Variants in DBNL observed in about 807,000 individuals in gnomAD.
DBNL encodes the protein drebrin-like protein.
A neutral mutation model predicts 62.2 loss-of-function variants in DBNL; 35 were observed. The ratio of observed to expected loss-of-function variants is 0.56; its 90% confidence interval spans 0.43 to 0.75. The LOEUF (loss-of-function observed/expected upper bound fraction) is 0.75, where lower values mean the gene tolerates loss of function less well. DBNL is among the 30% of genes least tolerant of loss of function. The pLI, the probability that DBNL is intolerant of heterozygous loss-of-function variation, is 0.00. For missense variants in DBNL, 495 were observed against 578.4 expected (o/e 0.86, Z 1.48); for synonymous variants, 197 against 218.0 (o/e 0.90, Z 0.85).
chr7:44,044,868 T>C, intron 1 of DBNL, 48 bp downstream of exon 1: 1 of 1,301,224 alleles, frequency 7.7e-7, no homozygotes, highest in Non-Finnish European at 9.8e-7. Flanking sequence ...GCCTCAGGGG[T>C]GGGTCTGTCT....
chr7:44,065,961 CCT>C lies in DBNL; in HGVS notation c.*5046_*5047del. ...CAGAGGCACAAACAAAATCCCAACCCCTTTCTCCTGTGATTGGCAGCCAGGCT... is the reference window on the plus strand; with the variant it reads ...CAGAGGCACAAACAAAATCCCAACCCTTCTCCTGTGATTGGCAGCCAGGCT... On this transcript the variant is annotated 3_prime_UTR_variant, in exon 13 of 13. Transcript: ENST00000448521. The C allele has an allele frequency of 6.7e-6, 2 of 299,016 alleles. No individual in the cohort carries two copies. Among genetic ancestry groups the C allele is most frequent in the South Asian group, 6.6e-5 (2 of 30,240 alleles). The allele number at this position is 299,016 out of a possible 1,614,324, so 18.5% of individuals were successfully genotyped here.
Position 44,065,713 on chromosome 7 carries a change from A to G in DBNL, c.*4797A>G. 1 of 644,786 alleles carries G rather than the reference A, an allele frequency of 1.6e-6. No homozygotes were observed. Among genetic ancestry groups the G allele is most frequent in the South Asian group, 1.8e-5 (1 of 56,908 alleles). The allele number at this position is 644,786 out of a possible 1,614,324, so 39.9% of individuals were successfully genotyped here. On this transcript the variant is annotated 3_prime_UTR_variant, in exon 13 of 13. Transcript: ENST00000448521. ...TGGGGGCCAGGGGAGTGTGCAGGCC[A>G]AGAGGCTGTGCTTAAAATAGCCCCA... is the stretch of plus-strand genomic sequence containing the variant.
chr7:44,058,381 G>A (rs777882064), intron 7 of DBNL, 51 bp from the exon 8 acceptor site: 1 of 1,613,736 alleles, frequency 6.2e-7, no homozygotes, highest in South Asian at 1.1e-5. Flanking sequence ...GGTGTGGCAT[G>A]AGAAGCTGTG....
chr7:44,053,901 C>A (rs936231722), intron 4 of DBNL, among the ~76,000 whole-genome samples: 2 of 152,144 alleles, frequency 1.3e-5, no homozygotes, highest in African/African-American at 4.8e-5. Context: ...TGGTCTCGAT[C>A]TCCTGACCTC....
chr7:44,064,374 TG>T lies in DBNL; in HGVS notation c.*3463del. ...TCATGCAGGGATTCTGAGGACCTGA[TG>T]GGGGAGGGCCCTGCGAGGGGTCCAA... On this transcript the variant is annotated 3_prime_UTR_variant, in exon 13 of 13. Transcript: ENST00000448521. 4.5e-6 allele frequency: 1 copy of T among 221,822 alleles called. No individual in the cohort carries two copies. The highest frequency in any genetic ancestry group is 9.1e-6 in the Non-Finnish European group (1 of 109,608). 13.7% of individuals were successfully genotyped at this position (221,822 alleles called of 1,614,324 possible).
rs1378925934 is a variant in DBNL at position 44,065,130 on chromosome 7, TGTA to T, written c.*4219_*4221del. 6.2e-7 allele frequency: 1 copy of T among 1,613,932 alleles called. No homozygotes were observed. Among genetic ancestry groups the T allele is most frequent in the Non-Finnish European group, 8.5e-7 (1 of 1,180,002 alleles). On this transcript the variant is annotated 3_prime_UTR_variant, in exon 13 of 13. Coordinates refer to ENST00000448521, the MANE Select transcript of DBNL (RefSeq NM_001014436.3). ...AGGCAGCCCACCTTGCTAATGGAGT[TGTA>T]GTAGGGGTGCTTCTCGTCCATCGGG...
chr7:44,044,877 C>T (rs2096113965), intron 1 of DBNL, 57 bp downstream of exon 1: 5 of 1,345,034 alleles, frequency 3.7e-6, no homozygotes, highest in Non-Finnish European at 4.8e-6. Flanking sequence ...GTGGGTCTGT[C>T]TGGGGCGAGC....
In DBNL at chr7:44,064,814, T is replaced by G; in HGVS notation, c.*3898T>G. 15 of 759,448 alleles carry G rather than the reference T, an allele frequency of 2.0e-5. No individual in the cohort carries two copies. The highest frequency in any genetic ancestry group is 3.0e-5 in the Non-Finnish European group (14 of 473,106). The allele number at this position is 759,448 out of a possible 1,614,324, so 47.0% of individuals were successfully genotyped here. On this transcript the variant is annotated 3_prime_UTR_variant, in exon 13 of 13. Transcript: ENST00000448521. ...TGCTGCCCACCCACCCTGCCCAGGC[T>G]CCTGAAGGTGGCCTCACCTTCCAGG...
Position 44,065,548 on chromosome 7 carries a change from A to G in DBNL, c.*4632A>G. The G allele has an allele frequency of 1.9e-6, 3 of 1,612,822 alleles. No individual in the cohort carries two copies. The highest frequency in any genetic ancestry group is 2.2e-5 in the East Asian group (1 of 44,886). ...TGGCCATGGTGGCAGCAGGGACCAC[A>G]GAGGACTCTGGACGGGGACGGCTGC... On this transcript the variant is annotated 3_prime_UTR_variant, in exon 13 of 13. Transcript: ENST00000448521.
chr7:44,059,386 C>T lies in DBNL; in HGVS notation c.868C>T (p.Leu290Phe). ...KLRSPFLQKQ[L>F]TQPETHFGRE... ...GAGGAGCCCCTTCCTGCAGAAGCAG[C>T]TCACCCAACCAGAGACCCACTTTGG... Residue 290 changes from leucine to phenylalanine, a missense_variant, in exon 10 of 13, where the codon CTC becomes TTC. By Grantham distance (22) the Leu-to-Phe change is conservative (BLOSUM62 0). Coordinates refer to ENST00000448521, the MANE Select transcript of DBNL (RefSeq NM_001014436.3). The surrounding 1 kb of genome is among the most constrained non-coding windows in gnomAD (Gnocchi z 4.1). 1.2e-6 allele frequency: 2 copies of T among 1,614,098 alleles called. No individual in the cohort carries two copies. Among genetic ancestry groups the T allele is most frequent in the Admixed American group, 1.7e-5 (1 of 60,012 alleles).
chr7:44,059,147 G>C lies in DBNL; in HGVS notation c.835+164G>C, dbSNP rs1297311189. ...CATTGACCTCATCAGTGACCACACTGGTCACCAGTTTGGCCTCCAAAAGAT... is the reference window on the plus strand; with the variant it reads ...CATTGACCTCATCAGTGACCACACTCGTCACCAGTTTGGCCTCCAAAAGAT... On this transcript the variant is annotated intron_variant, in intron 9 of 12. Transcript: ENST00000448521. The surrounding 1 kb of genome is among the most constrained non-coding windows in gnomAD (Gnocchi z 4.1). 6.6e-6 allele frequency among the ~76,000 whole-genome samples: 1 copy of C among 152,138 alleles called. No individual in the cohort carries two copies. The highest frequency in any genetic ancestry group is 1.5e-5 in the Non-Finnish European group (1 of 68,024).
chr7:44,049,510 C>A (rs943191416), intron 1 of DBNL, among the ~76,000 whole-genome samples: 1 of 152,200 alleles, frequency 6.6e-6, no homozygotes, highest in Non-Finnish European at 1.5e-5. Flanking sequence ...AGCCATGGCC[C>A]CATGTCACCC....
chr7:44,044,716 C>A lies in DBNL; in HGVS notation c.-22C>A. On this transcript the variant is annotated 5_prime_UTR_variant, in exon 1 of 13. Transcript: ENST00000448521. Reference sequence around the variant, plus strand: ...CCCGGCCCGGAAGCTACAGCAGCGGCGCGGAGACTGCGGGGCGGGCCATGG... The same window carrying A: ...CCCGGCCCGGAAGCTACAGCAGCGGAGCGGAGACTGCGGGGCGGGCCATGG... 3 of 1,481,590 alleles carry A rather than the reference C, an allele frequency of 2.0e-6. No homozygotes were observed. The Admixed American group carries it at 6.9e-5, about 34-fold the overall frequency. 91.8% of individuals were successfully genotyped at this position (1,481,590 alleles called of 1,614,324 possible).
intron 1 of DBNL, among the ~76,000 whole-genome samples, chr7:44,048,769 A>G (rs557036497): frequency 1.2e-3 from 185 of 152,304 alleles, no homozygotes; most frequent in South Asian, 2.1e-3. Flanking sequence ...CCTCCAGCCC[A>G]TGTCCAGCAG....
chr7:44,068,436 G>A lies in DBNL; in HGVS notation c.*7520G>A, dbSNP rs2096163739. 6.6e-6 allele frequency: 1 copy of A among 152,244 alleles called. No individual in the cohort carries two copies. The highest frequency in any genetic ancestry group is 1.5e-5 in the Non-Finnish European group (1 of 68,058). 9.4% of individuals were successfully genotyped at this position (152,244 alleles called of 1,614,324 possible). ...CACATTGCAGGTCCCAGACTGACCG[G>A]TGTAGATACAGGACTAATATGACTA... On this transcript the variant is annotated 3_prime_UTR_variant, in exon 13 of 13. Transcript: ENST00000448521.
chr7:44,065,664 A>G lies in DBNL; in HGVS notation c.*4748A>G. 2.3e-6 allele frequency: 2 copies of G among 853,032 alleles called. No individual in the cohort carries two copies. The highest frequency in any genetic ancestry group is 3.3e-5 in the African/African-American group (2 of 60,752). 52.8% of individuals were successfully genotyped at this position (853,032 alleles called of 1,614,324 possible). Reference sequence around the variant, plus strand: ...TCAGCATTCCAGGCGGTGGCAGGTGACCAGTAGCTGAGCTGCTGGGGGCTG... The same window carrying G: ...TCAGCATTCCAGGCGGTGGCAGGTGGCCAGTAGCTGAGCTGCTGGGGGCTG... On this transcript the variant is annotated 3_prime_UTR_variant, in exon 13 of 13. Coordinates refer to ENST00000448521, the MANE Select transcript of DBNL (RefSeq NM_001014436.3).
chr7:44,050,144 A>G, intron 1 of DBNL, 81 bp from the exon 2 acceptor site: 2 of 1,483,076 alleles, frequency 1.3e-6, no homozygotes, highest in Non-Finnish European at 1.9e-6. Context: ...TTTGGGATGT[A>G]GTGGAAAGTC....
chr7:44,045,148 G>A (rs146349943), intron 1 of DBNL, among the ~76,000 whole-genome samples: 8 of 152,124 alleles, frequency 5.3e-5, no homozygotes, highest in African/African-American at 1.4e-4. Context: ...TGCTAGCTTC[G>A]CCAGGTTCTT....
At chr7:44,046,314 C>T (rs993772280) in intron 1 of DBNL, among the ~76,000 whole-genome samples, 5 of 152,202 alleles carry the variant, frequency 3.3e-5, no homozygotes, top group African/African-American at 1.2e-4. Context: ...CTTCCTGGCA[C>T]TCCTCATCTA....
Sources: gnomAD v4.1 joint callset for allele counts (sites outside exome capture counted in the v4.1 genomes callset) on GRCh38, gnomAD v4.1.1 for gene constraint, Gnocchi (gnomAD v3.1) non-coding constraint, MANE v1.5 for transcripts, NCBI Gene and HGNC (gene_info 2026-07-23, HGNC 2026-07-21) for gene names.